WNT5A: variants seen among roughly 807,000 people sequenced by gnomAD.
The protein encoded by WNT5A is protein Wnt-5a.
Under a neutral mutation model 42.1 loss-of-function variants are expected in WNT5A, and 9 were observed. The observed-to-expected ratio is 0.21, with a 90% CI of 0.13 to 0.37. The LOEUF (loss-of-function observed/expected upper bound fraction) is 0.37, where lower values mean the gene tolerates loss of function less well. WNT5A is among the 10% of genes least tolerant of loss of function. The pLI is 1.00. For missense variants in WNT5A, 426 were observed against 534.0 expected (o/e 0.80, Z 1.99); for synonymous variants, 210 against 210.0 (o/e 1.00, Z 0.00).
Position 55,487,104 on chromosome 3 carries a change from T to C in WNT5A, c.-119A>G. On this transcript the variant is annotated 5_prime_UTR_variant, in exon 1 of 5. Transcript: ENST00000264634. ...GGTCAGGAGCAGGGCTGCGGAGTCC[T>C]CCGGCGCGCGTCCGGCGGGCGCAGT... The C allele has an allele frequency of 2.3e-6, 2 of 853,512 alleles. No homozygotes were observed. Among genetic ancestry groups the C allele is most frequent in the South Asian group, 3.4e-5 (2 of 58,126 alleles). 52.9% of individuals were successfully genotyped at this position (853,512 alleles called of 1,614,324 possible). A position where few individuals can be genotyped will look rare whatever the true frequency, so the allele number is the denominator to read the frequency against.
At chr3:55,501,104 G>A in the WNT5A span, among the ~76,000 whole-genome samples, 1 of 152,174 alleles carries the variant, frequency 6.6e-6, no homozygotes, top group African/African-American at 2.4e-5. Context: ...TTAGTTTGGG[G>A]TCAAATGGTG....
intron 3 of WNT5A, 120 bp downstream of exon 3, chr3:55,479,194 A>G (rs2051409496): frequency 8.6e-7 from 1 of 1,168,576 alleles, no homozygotes; most frequent in Non-Finnish European, 1.1e-6. Flanking sequence ...TGCCCAAGCC[A>G]CCACCCGAGC....
In WNT5A at chr3:55,483,825, C is replaced by T. The variant is rs2051516128; in HGVS notation, c.7-2907G>A. ...TGATCCTTCTTTACCAACCACGGTG[C>T]GGGCCAGGCGTGATGAGGGATGAGG... On this transcript the variant is annotated intron_variant, in intron 1 of 4. Transcript: ENST00000264634. The surrounding 1 kb of genome is among the most constrained non-coding windows in gnomAD (Gnocchi z 4.2). 6.6e-6 allele frequency among the ~76,000 whole-genome samples: 1 copy of T among 152,130 alleles called. No homozygotes were observed. Among genetic ancestry groups the T allele is most frequent in the African/African-American group, 2.4e-5 (1 of 41,420 alleles).
chr3:55,504,381 A>G, the WNT5A span, among the ~76,000 whole-genome samples: 7 of 152,176 alleles, frequency 4.6e-5, no homozygotes, highest in Non-Finnish European at 1.0e-4. Flanking sequence ...CCTGAAGCCT[A>G]CATTTATTCC....
At chr3:55,478,304 GTT>G (rs567681441) in intron 3 of WNT5A, among the ~76,000 whole-genome samples, 1 of 148,430 alleles carries the variant, frequency 6.7e-6, no homozygotes, top group Non-Finnish European at 1.5e-5. Context: ...AATTTTCGGG[GTT>G]TTTTTTTTAA....
chr3:55,477,224 GA>G (rs2051374187), intron 3 of WNT5A, among the ~76,000 whole-genome samples: 1 of 152,162 alleles, frequency 6.6e-6, no homozygotes, highest in Non-Finnish European at 1.5e-5. Context: ...CTCTTAAGTG[GA>G]AAAGTGAAAG....
chr3:55,481,286 T>G, intron 1 of WNT5A: 1 of 991,056 alleles, frequency 1.0e-6, no homozygotes, highest in Non-Finnish European at 1.2e-6. Context: ...TCCTGGGTAA[T>G]TCACTCAGGA....
upstream of WNT5A, chr3:55,487,925 C>CG (rs2051606426): frequency 6.6e-6 from 1 of 152,352 alleles, no homozygotes; most frequent in South Asian, 2.1e-4. Flanking sequence ...GCGGGCTCCC[C>CG]CCCCCCACCA....
upstream of WNT5A, among the ~76,000 whole-genome samples, chr3:55,495,321 T>C (rs2051704532): frequency 6.6e-6 from 1 of 152,202 alleles, no homozygotes; most frequent in South Asian, 2.1e-4. Flanking sequence ...TTTGCATCAT[T>C]TGACCAACAT....
intron 1 of WNT5A, among the ~76,000 whole-genome samples, chr3:55,484,793 G>C (rs1227106579): frequency 1.3e-5 from 2 of 152,134 alleles, no homozygotes; most frequent in East Asian, 1.9e-4. Flanking sequence ...ACTTTGTCCA[G>C]AGGTGGAGCA....
chr3:55,490,906 C>T (rs769919141), upstream of WNT5A, among the ~76,000 whole-genome samples: 19 of 152,212 alleles, frequency 1.2e-4, no homozygotes, highest in Non-Finnish European at 2.1e-4. Flanking sequence ...CCAACAAAAC[C>T]GTCTAGTCCC....
intron 3 of WNT5A, among the ~76,000 whole-genome samples, chr3:55,475,672 G>A (rs952791837): frequency 1.3e-5 from 2 of 152,104 alleles, no homozygotes; most frequent in African/African-American, 4.8e-5. Context: ...TAGAATGACA[G>A]CAAGAAGGAA....
In WNT5A at chr3:55,472,854, A is replaced by G. The variant is rs1489416786; in HGVS notation, c.684+1483T>C. 2.6e-5 allele frequency among the ~76,000 whole-genome samples: 4 copies of G among 152,194 alleles called. No homozygotes were observed. The East Asian group carries it at 7.7e-4, about 29-fold the overall frequency. ...AGCACTTACTACTGGCGGACACTAA[A>G]CTAAGACCTTTAATTAAACCAAATG... On this transcript the variant is annotated intron_variant, in intron 4 of 4. Transcript: ENST00000264634.
At chr3:55,479,621 C>G in intron 2 of WNT5A, 57 bp from the exon 3 acceptor site, 1 of 1,532,036 alleles carries the variant, frequency 6.5e-7, no homozygotes, top group Non-Finnish European at 8.8e-7. Context: ...GGTGGGCCCC[C>G]TGAAAGCATG....
chr3:55,485,840 T>TG (rs1490488952), intron 1 of WNT5A, among the ~76,000 whole-genome samples: 1 of 152,114 alleles, frequency 6.6e-6, no homozygotes, highest in African/African-American at 2.4e-5. Flanking sequence ...TCTCCAGACT[T>TG]GAAGTTTTTT....
chr3:55,491,940 G>A (rs1470709116), upstream of WNT5A, among the ~76,000 whole-genome samples: 1 of 152,200 alleles, frequency 6.6e-6, no homozygotes, highest in African/African-American at 2.4e-5. Context: ...CATGGCCACC[G>A]TCAAAGTAAT....
chr3:55,484,575 T>C (rs1361403854), intron 1 of WNT5A, among the ~76,000 whole-genome samples: 2 of 152,192 alleles, frequency 1.3e-5, no homozygotes, highest in Non-Finnish European at 2.9e-5. Context: ...TGACAGCAGG[T>C]TCCAGGTTCG....
chr3:55,490,935 G>A (rs1355342792), upstream of WNT5A, among the ~76,000 whole-genome samples: 1 of 152,148 alleles, frequency 6.6e-6, no homozygotes, highest in Non-Finnish European at 1.5e-5. Flanking sequence ...CAGATAAAGA[G>A]TTGTTTTATC....
At chr3:55,473,318 G>A (rs991460521) in intron 4 of WNT5A, among the ~76,000 whole-genome samples, 4 of 152,174 alleles carry the variant, frequency 2.6e-5, no homozygotes, top group Non-Finnish European at 5.9e-5. Flanking sequence ...ATACAGAAGA[G>A]TGAAATCTCT....
Sources: allele counts gnomAD v4.1 joint callset (sites outside exome capture counted in the v4.1 genomes callset), GRCh38; gene constraint gnomAD v4.1.1; non-coding constraint Gnocchi (gnomAD v3.1); transcripts MANE v1.5; gene names NCBI Gene and HGNC (gene_info 2026-07-23, HGNC 2026-07-21).